The following NRG3 variants were observed in gnomAD, a reference collection of about 807,000 sequenced individuals.
NRG3 encodes the protein neuregulin 3.
NRG3 carries 31 observed loss-of-function variants against 66.9 expected under a neutral mutation model. The ratio of observed to expected loss-of-function variants is 0.46; its 90% CI spans 0.35 to 0.63. NRG3 has a LOEUF of 0.63. Ranked by LOEUF, NRG3 falls within the 20% of genes least tolerant of loss-of-function variation. NRG3 has a pLI of 0.00. For missense variants in NRG3, 910 were observed against 878.9 expected, an observed-to-expected ratio of 1.04 and a Z score of -0.45; for synonymous variants, 393 against 359.4, an observed-to-expected ratio of 1.09 and a Z score of -1.06.
chr10:82,044,453 A>G (rs7099539), intron 1 of NRG3, among the ~76,000 whole-genome samples: 130,904 of 151,828 alleles, frequency 0.86, 58,369 homozygotes, highest in South Asian at 0.99. Flanking sequence ...GAAAACAAGA[A>G]TATCCAGAGA....
intron 3 of NRG3, among the ~76,000 whole-genome samples, chr10:82,833,027 T>C (rs1328357809): frequency 6.6e-6 from 1 of 152,146 alleles, no homozygotes; most frequent in Non-Finnish European, 1.5e-5. Flanking sequence ...GACCTTGCTG[T>C]GGACATCTTT....
intron 2 of NRG3, among the ~76,000 whole-genome samples, chr10:82,454,133 T>C (rs59495346): frequency 0.011 from 1,734 of 152,286 alleles, 42 homozygotes; most frequent in African/African-American, 0.04. Flanking sequence ...CAGATGGAAG[T>C]GGGTATTTTG....
intron 2 of NRG3, among the ~76,000 whole-genome samples, chr10:82,618,602 CG>C (rs1341631790): frequency 6.6e-6 from 1 of 151,680 alleles, no homozygotes; most frequent in African/African-American, 2.4e-5. Flanking sequence ...TATCACCAAA[CG>C]TTGCAGAAAA....
intron 1 of NRG3, among the ~76,000 whole-genome samples, chr10:82,202,201 C>T (rs1363346957): frequency 1.3e-5 from 2 of 152,150 alleles, no homozygotes; most frequent in East Asian, 1.9e-4. Flanking sequence ...GTTCACTAAG[C>T]CCCCTGACTC....
intron 1 of NRG3, among the ~76,000 whole-genome samples, chr10:82,143,376 T>C (rs2069969801): frequency 1.3e-5 from 2 of 152,154 alleles, no homozygotes; most frequent in Admixed American, 1.3e-4. Context: ...ACTATTAGCC[T>C]TATTGAGCAT....
chr10:82,180,947 C>T (rs929970312), intron 1 of NRG3, among the ~76,000 whole-genome samples: 3 of 151,762 alleles, frequency 2.0e-5, no homozygotes, highest in Non-Finnish European at 3.0e-5. Context: ...CTGATTCAGT[C>T]ACCTTACTTG....
chr10:82,368,342 A>T lies in NRG3; in HGVS notation c.953+9474A>T, dbSNP rs143439061. On this transcript the variant is annotated intron_variant, in intron 2 of 8. Transcript: ENST00000372141. ...AGATCCACTAATGGGAATAAAAGAG[A>T]ACAGGCACAGATACATTATTTAAAA... Among the ~76,000 whole-genome samples the T allele has an allele frequency of 1.1e-3, 153 of 138,892 alleles. 25 individuals are homozygous for T. The East Asian group carries it at 0.028, about 26-fold the overall frequency. 91.1% of individuals were successfully genotyped at this position (138,892 alleles called of 152,430 possible). A position where few individuals can be genotyped will look rare whatever the true frequency, so the allele number is the denominator to read the frequency against.
chr10:82,057,211 A>G (rs2133197996), intron 1 of NRG3, among the ~76,000 whole-genome samples: 1 of 152,178 alleles, frequency 6.6e-6, no homozygotes, highest in Non-Finnish European at 1.5e-5. Context: ...TTTAAGCCAT[A>G]TCTGATAGTC....
chr10:82,669,821 A>T (rs995820346), intron 2 of NRG3, among the ~76,000 whole-genome samples: 12 of 151,764 alleles, frequency 7.9e-5, no homozygotes, highest in Admixed American at 1.3e-4. Flanking sequence ...CCAGCTGCTC[A>T]GGAGGCTGAG....
intron 1 of NRG3, among the ~76,000 whole-genome samples, chr10:81,896,194 A>C (rs1246672243): frequency 6.6e-6 from 1 of 152,084 alleles, no homozygotes; most frequent in South Asian, 2.1e-4. Flanking sequence ...AGAAAAGCCA[A>C]CTTAACCAGC....
At chr10:81,931,678 A>G (rs1847363105) in intron 1 of NRG3, among the ~76,000 whole-genome samples, 1 of 152,142 alleles carries the variant, frequency 6.6e-6, no homozygotes, top group Non-Finnish European at 1.5e-5. Flanking sequence ...TCATTCTCTA[A>G]AAGCCCAACT....
chr10:81,878,397 G>A (rs1276593937), intron 1 of NRG3, among the ~76,000 whole-genome samples: 1 of 152,146 alleles, frequency 6.6e-6, no homozygotes, highest in East Asian at 1.9e-4. Flanking sequence ...AAATTTTAAG[G>A]AAAAGTGGAT....
At chr10:82,771,716 T>C (rs1005810858) in intron 3 of NRG3, among the ~76,000 whole-genome samples, 3 of 152,204 alleles carry the variant, frequency 2.0e-5, no homozygotes, top group Admixed American at 6.6e-5. Flanking sequence ...CAATGAAGAA[T>C]TGATGAATCA....
chr10:82,185,318 A>C (rs1352392835), intron 1 of NRG3, among the ~76,000 whole-genome samples: 3 of 152,178 alleles, frequency 2.0e-5, no homozygotes, highest in Admixed American at 6.5e-5. Context: ...TTTAAGTAAC[A>C]CTGTTGTTTG....
intron 2 of NRG3, among the ~76,000 whole-genome samples, chr10:82,649,459 CTTTTTTTTTTTTTTTT>C (rs71469930): frequency 2.0e-5 from 1 of 48,794 alleles, no homozygotes; most frequent in Non-Finnish European, 4.0e-5. Flanking sequence ...CTGGTGCAGG[CTTTTTTTTTTTTTTTT>C]TTTTTTTTTT....
chr10:81,948,174 ATGT>A (rs1413458981), intron 1 of NRG3, among the ~76,000 whole-genome samples: 4 of 152,190 alleles, frequency 2.6e-5, no homozygotes, highest in African/African-American at 9.6e-5. Context: ...GTTGTTGTTT[ATGT>A]TGTTTGTGTT....
chr10:82,187,357 A>G (rs1026516515), intron 1 of NRG3, among the ~76,000 whole-genome samples: 4 of 152,108 alleles, frequency 2.6e-5, no homozygotes, highest in Non-Finnish European at 5.9e-5. Context: ...TTGCCTCTGG[A>G]TATTTATGTT....
At chr10:82,359,999 A>G (rs2084027333) in intron 2 of NRG3, among the ~76,000 whole-genome samples, 1 of 152,204 alleles carries the variant, frequency 6.6e-6, no homozygotes, top group South Asian at 2.1e-4. Flanking sequence ...GATACGTGAT[A>G]TAGTAGGAGG....
chr10:82,215,963 C>CTTTTTTTTT (rs71894841), intron 1 of NRG3, among the ~76,000 whole-genome samples: 5 of 89,708 alleles, frequency 5.6e-5, no homozygotes, highest in African/African-American at 1.9e-4. Context: ...TTATGTTTTC[C>CTTTTTTTTT]TTTTTTTTTT....
Sources: gnomAD v4.1 joint callset for allele counts (sites outside exome capture counted in the v4.1 genomes callset) on GRCh38, gnomAD v4.1.1 for gene constraint, MANE v1.5 for transcripts, NCBI Gene and HGNC (gene_info 2026-07-23, HGNC 2026-07-21) for gene names.